SLC22A25: variants seen among roughly 807,000 people sequenced by gnomAD.
SLC22A25 encodes the protein solute carrier family 22 member 25.
In SLC22A25, 44 loss-of-function variants were observed where a neutral mutation model predicts 45.9. The ratio of observed to expected loss-of-function variants is 0.96; its 90% confidence interval spans 0.75 to 1.23. SLC22A25 has a LOEUF of 1.23. Among genes scored for constraint, SLC22A25 ranks in the 50% most tolerant of loss-of-function variants. The pLI, the probability that SLC22A25 is intolerant of heterozygous loss-of-function variation, is 0.00. For missense variants in SLC22A25, 800 were observed against 666.4 expected (o/e 1.20, Z -2.21); for synonymous variants, 283 against 238.6 (o/e 1.19, Z -1.72).
rs1224962157 is a variant in SLC22A25, at chr11:63,163,014, A to G, written c.*810T>C. Among the ~76,000 whole-genome samples the G allele has an allele frequency of 6.6e-6, 1 of 152,208 alleles. No individual in the cohort carries two copies. Among genetic ancestry groups the G allele is most frequent in the African/African-American group, 2.4e-5 (1 of 41,458 alleles). The stretch of plus-strand genomic sequence containing the variant: ...ACAAACAAAAAAGCTCAAAAATGAA[A>G]GACATGGACTAAACATATAAGTCCT... On this transcript the variant is annotated 3_prime_UTR_variant, in exon 12 of 12. Coordinates refer to ENST00000306494, the MANE Select transcript of SLC22A25 (RefSeq NM_199352.6).
chr11:63,173,658 A>G (rs562630059), intron 9 of SLC22A25, among the ~76,000 whole-genome samples: 1 of 152,252 alleles, frequency 6.6e-6, no homozygotes. Flanking sequence ...TGTACAATTC[A>G]GGCATTTGCC....
intron 7 of SLC22A25, among the ~76,000 whole-genome samples, chr11:63,190,424 G>A (rs917053096): frequency 6.6e-6 from 1 of 151,870 alleles, no homozygotes; most frequent in Non-Finnish European, 1.5e-5. Context: ...CTCTGCATTG[G>A]TTATTCTAGT....
intron 10 of SLC22A25, among the ~76,000 whole-genome samples, chr11:63,165,697 G>A (rs1160656321): frequency 6.6e-6 from 1 of 152,188 alleles, no homozygotes; most frequent in East Asian, 1.9e-4. Flanking sequence ...CTCATATTGG[G>A]ATACAAAGGC....
rs181755619 is a variant in SLC22A25 at position 63,242,069 on chromosome 11, C to T, written c.-996+1365G>A. 9.4e-4 allele frequency among the ~76,000 whole-genome samples: 143 copies of T among 152,174 alleles called. 1 individual carries two copies. Among genetic ancestry groups the T allele is most frequent in the Admixed American group, 4.3e-3 (65 of 15,282 alleles). ...TGGCTTTTGTCTAATGGAGCAGATT[C>T]CAGTAAGAGTCACAAGAGACCAAGA... On this transcript the variant is annotated intron_variant, in intron 1 of 11. Transcript: ENST00000306494.
chr11:63,230,824 C>T (rs1011247955), intron 3 of SLC22A25, among the ~76,000 whole-genome samples: 44 of 152,066 alleles, frequency 2.9e-4, no homozygotes, highest in African/African-American at 9.9e-4. Flanking sequence ...AGACAGGCCC[C>T]GGTGCATGAT....
chr11:63,209,601 C>T (rs969025607), intron 7 of SLC22A25, among the ~76,000 whole-genome samples: 1 of 152,110 alleles, frequency 6.6e-6, no homozygotes, highest in Non-Finnish European at 1.5e-5. Context: ...TTTGCAGATG[C>T]CACTTTGAGA....
chr11:63,238,230 A>G lies in SLC22A25; in HGVS notation c.-576-218T>C, dbSNP rs141691382. On this transcript the variant is annotated intron_variant, in intron 2 of 11. Transcript: ENST00000306494. ...AGCTGCCTCTAAAACTGTAGGTTAT[A>G]TTAACAACCACTTTTGCTCCATACT... is the stretch of plus-strand genomic sequence containing the variant. Among the ~76,000 whole-genome samples the G allele has an allele frequency of 5.8e-4, 89 of 152,334 alleles. 1 individual carries two copies. In the East Asian group the frequency reaches 0.017, roughly 28 times the overall value.
rs891507201 is a variant in SLC22A25, at chr11:63,163,503, T to G, written c.*321A>C. The stretch of plus-strand genomic sequence containing the variant: ...CAGCTAACAGGTACACTCACTGGGC[T>G]GAGGGCTCCCCAGGGATGAGAAGAT... On this transcript the variant is annotated 3_prime_UTR_variant, in exon 12 of 12. Transcript: ENST00000306494. 6.6e-6 allele frequency among the ~76,000 whole-genome samples: 1 copy of G among 152,162 alleles called. No individual in the cohort carries two copies. The highest frequency in any genetic ancestry group is 1.5e-5 in the Non-Finnish European group (1 of 68,020).
chr11:63,195,747 C>T (rs2089001406), intron 7 of SLC22A25, among the ~76,000 whole-genome samples: 1 of 152,030 alleles, frequency 6.6e-6, no homozygotes, highest in South Asian at 2.1e-4. Flanking sequence ...CAAGAAATAA[C>T]TAAGATCAGA....
In SLC22A25 at chr11:63,190,165, A is replaced by G. The variant is rs573909303; in HGVS notation, c.831-6348T>C. 3.1e-3 allele frequency among the ~76,000 whole-genome samples: 472 copies of G among 152,338 alleles called. 2 individuals are homozygous for G. Among genetic ancestry groups the G allele is most frequent in the African/African-American group, 0.011 (451 of 41,572 alleles). ...TTTCCAACTTCATTCCATTCTGCCC[A>G]TCACTTTCAGGTACACCAATCAGAT... On this transcript the variant is annotated intron_variant, in intron 7 of 11. Coordinates refer to ENST00000306494, the MANE Select transcript of SLC22A25 (RefSeq NM_199352.6).
intron 9 of SLC22A25, among the ~76,000 whole-genome samples, chr11:63,171,223 C>A (rs957553951): frequency 6.6e-6 from 1 of 152,116 alleles, no homozygotes; most frequent in Non-Finnish European, 1.5e-5. Context: ...TGGGCAAAAG[C>A]TGGAAGCGTT....
intron 7 of SLC22A25, among the ~76,000 whole-genome samples, chr11:63,202,070 G>A (rs986035125): frequency 9.9e-5 from 15 of 152,110 alleles, no homozygotes; most frequent in Admixed American, 8.5e-4. Context: ...CTAGCCAAGG[G>A]AAGCCATGAG....
intron 3 of SLC22A25, among the ~76,000 whole-genome samples, chr11:63,233,198 A>G (rs1169576076): frequency 6.6e-6 from 1 of 152,052 alleles, no homozygotes; most frequent in Non-Finnish European, 1.5e-5. Flanking sequence ...GTAGTACTTT[A>G]AGAAGGAATG....
At chr11:63,210,687 C>A (rs939718540) in intron 7 of SLC22A25, among the ~76,000 whole-genome samples, 2 of 151,934 alleles carry the variant, frequency 1.3e-5, no homozygotes, top group Non-Finnish European at 2.9e-5. Context: ...AGTAGGGGGC[C>A]GATTAATGGA....
intron 7 of SLC22A25, among the ~76,000 whole-genome samples, chr11:63,215,847 C>T (rs922091878): frequency 6.6e-6 from 1 of 152,052 alleles, no homozygotes; most frequent in Non-Finnish European, 1.5e-5. Flanking sequence ...ATTTAGCTCC[C>T]ATTTATAAGT....
At position 63,229,124 on chromosome 11, in the gene SLC22A25, T is replaced by C. The variant is rs1389835938; in HGVS notation, c.402+127A>G. The C allele has an allele frequency of 8.0e-6, 8 of 1,005,418 alleles. No individual in the cohort carries two copies. The East Asian group carries it at 1.5e-4, about 19-fold the overall frequency. The allele number at this position is 1,005,418 out of a possible 1,614,324, so 62.3% of individuals were successfully genotyped here. A position where few individuals can be genotyped will look rare whatever the true frequency, so the allele number is the denominator to read the frequency against. On this transcript the variant is annotated intron_variant, in intron 4 of 11. Transcript: ENST00000306494. ...TATCTGGCATTCAGTAGAGAAGCAA[T>C]TAATGTTTCCTGAAAGAATGAAGAA...
intron 7 of SLC22A25, chr11:63,208,089 G>A (rs1484279240): frequency 1.3e-5 from 2 of 152,228 alleles, no homozygotes; most frequent in Non-Finnish European, 2.9e-5. Context: ...TCCAGGATTG[G>A]AGATGACAGA....
chr11:63,183,697 C>T lies in SLC22A25; in HGVS notation c.951G>A (p.Met317Ile). 3 of 1,612,810 alleles carry T rather than the reference C, an allele frequency of 1.9e-6. No individual in the cohort carries two copies. The South Asian group carries it at 3.3e-5, about 18-fold the overall frequency. The change falls in exon 8 of 12, where the codon ATG (methionine) becomes ATA (isoleucine). Residue 317 changes from methionine (M) to isoleucine (I), a missense_variant. Physicochemically the swap from Met to Ile is conservative, Grantham distance 10. Coordinates refer to ENST00000306494, the MANE Select transcript of SLC22A25 (RefSeq NM_199352.6). ...GMKNAEDILTMEVLKSTMKQE... is the reference protein window; with the variant it reads ...GMKNAEDILTIEVLKSTMKQE... Reference sequence around the variant, plus strand: ...ATCCAGCTCCCGTCTTGCTTACCTCCATGGTTAGGATGTCTTCAGCATTCT... The same window carrying T: ...ATCCAGCTCCCGTCTTGCTTACCTCTATGGTTAGGATGTCTTCAGCATTCT...
chr11:63,169,780 A>C (rs577302046), intron 9 of SLC22A25, among the ~76,000 whole-genome samples: 7 of 152,214 alleles, frequency 4.6e-5, no homozygotes, highest in African/African-American at 7.2e-5. Flanking sequence ...AAGGATATTC[A>C]GGACTTGAAC....
Sources: gnomAD v4.1 joint callset for allele counts (sites outside exome capture counted in the v4.1 genomes callset) on GRCh38, gnomAD v4.1.1 for gene constraint, MANE v1.5 for transcripts, NCBI Gene and HGNC (gene_info 2026-07-23, HGNC 2026-07-21) for gene names.